Variants in TRAPPC9 observed in about 807,000 individuals in gnomAD.
TRAPPC9 encodes the protein trafficking protein particle complex subunit 9.
In TRAPPC9, 83 loss-of-function variants were observed where a neutral mutation model predicts 124.0. That is an observed-to-expected ratio of 0.67 (90% confidence interval 0.56 to 0.80). TRAPPC9 has a LOEUF of 0.80. TRAPPC9 is among the 30% of genes least tolerant of loss of function. The pLI is 0.00. For synonymous variants in TRAPPC9, 638 were observed against 617.5 expected (o/e 1.03, Z -0.49); for missense variants, 1,302 against 1,508.3 (o/e 0.86, Z 2.27).
At chr8:139,874,815 C>A (rs1194181202) in intron 21 of TRAPPC9, among the ~76,000 whole-genome samples, 4 of 152,182 alleles carry the variant, frequency 2.6e-5, no homozygotes, top group African/African-American at 9.6e-5. Flanking sequence ...AGGAGAACAA[C>A]AAGCATGGCC....
chr8:139,942,642 A>AT (rs1419759238), intron 19 of TRAPPC9, among the ~76,000 whole-genome samples: 5 of 151,652 alleles, frequency 3.3e-5, no homozygotes, highest in Admixed American at 6.6e-5. Context: ...TTCTGGACAC[A>AT]TTTTTTTTTA....
At chr8:140,384,885 C>T (rs577905024) in intron 7 of TRAPPC9, among the ~76,000 whole-genome samples, 4 of 152,332 alleles carry the variant, frequency 2.6e-5, no homozygotes, top group Non-Finnish European at 2.9e-5. Flanking sequence ...AGCACCACAT[C>T]GCACTTATTC....
chr8:140,316,141 A>T (rs2066438104), intron 9 of TRAPPC9, among the ~76,000 whole-genome samples: 1 of 152,150 alleles, frequency 6.6e-6, no homozygotes, highest in Non-Finnish European at 1.5e-5. Flanking sequence ...AGACTGTGAC[A>T]TCAGAATAGA....
intron 21 of TRAPPC9, among the ~76,000 whole-genome samples, chr8:139,794,883 G>A (rs780149396): frequency 1.3e-5 from 2 of 152,204 alleles, no homozygotes; most frequent in African/African-American, 2.4e-5. Context: ...GGCCATTCAC[G>A]TGGCAGAGGC....
chr8:139,897,768 C>T (rs1830755281), intron 20 of TRAPPC9, among the ~76,000 whole-genome samples: 1 of 152,224 alleles, frequency 6.6e-6, no homozygotes, highest in Non-Finnish European at 1.5e-5. Context: ...CTTCCCTGTC[C>T]AGACTCCTCC....
intron 21 of TRAPPC9, among the ~76,000 whole-genome samples, chr8:139,773,435 G>A (rs893414690): frequency 6.6e-6 from 1 of 152,232 alleles, no homozygotes; most frequent in African/African-American, 2.4e-5. Flanking sequence ...CACTGGGTGG[G>A]GGAATCAGCA....
At chr8:139,909,635 G>A (rs1437104645) in intron 20 of TRAPPC9, among the ~76,000 whole-genome samples, 2 of 152,256 alleles carry the variant, frequency 1.3e-5, no homozygotes, top group East Asian at 1.9e-4. Context: ...CAAGGAGTCA[G>A]CCATTGATCC....
intron 4 of TRAPPC9, among the ~76,000 whole-genome samples, chr8:140,427,424 G>T (rs1486279638): frequency 6.6e-6 from 1 of 150,972 alleles, no homozygotes; most frequent in Non-Finnish European, 1.5e-5. Context: ...CAGAATAATT[G>T]GACACTTCAT....
intron 21 of TRAPPC9, among the ~76,000 whole-genome samples, chr8:139,759,527 A>T (rs1820082977): frequency 6.6e-6 from 1 of 152,098 alleles, no homozygotes; most frequent in African/African-American, 2.4e-5. Context: ...GCCCGGAAAG[A>T]TATGGAGAGG....
chr8:139,932,440 T>C, intron 19 of TRAPPC9: 1 of 457,770 alleles, frequency 2.2e-6, no homozygotes, highest in South Asian at 1.5e-5. Flanking sequence ...AAGTACAAGA[T>C]GTTGGCTGAC....
intron 15 of TRAPPC9, among the ~76,000 whole-genome samples, chr8:140,269,992 C>T (rs1223883874): frequency 6.6e-6 from 1 of 151,950 alleles, no homozygotes; most frequent in African/African-American, 2.4e-5. Context: ...CCCAGTTACT[C>T]AGGAGGCTGA....
intron 7 of TRAPPC9, among the ~76,000 whole-genome samples, chr8:140,395,503 C>T (rs1021009592): frequency 1.3e-5 from 2 of 152,126 alleles, no homozygotes; most frequent in Non-Finnish European, 2.9e-5. Context: ...CATGCTAAAG[C>T]GCCTCTCTTT....
intron 17 of TRAPPC9, among the ~76,000 whole-genome samples, chr8:140,195,559 C>T (rs1216618346): frequency 6.6e-6 from 1 of 151,858 alleles, no homozygotes; most frequent in Non-Finnish European, 1.5e-5. Flanking sequence ...GACACTAAAA[C>T]ACACTCAACT....
intron 17 of TRAPPC9, among the ~76,000 whole-genome samples, chr8:140,036,398 A>G (rs939690619): frequency 6.6e-6 from 1 of 152,130 alleles, no homozygotes; most frequent in African/African-American, 2.4e-5. Context: ...ACGTGCTGCC[A>G]TTGAAGACAT....
chr8:140,116,739 G>C (rs1184173068), intron 17 of TRAPPC9, among the ~76,000 whole-genome samples: 2 of 152,168 alleles, frequency 1.3e-5, no homozygotes, highest in Non-Finnish European at 2.9e-5. Context: ...GGACAAGCTA[G>C]AGAGAAGAGA....
At chr8:139,928,978 T>C (rs1832962635) in intron 19 of TRAPPC9, among the ~76,000 whole-genome samples, 1 of 152,034 alleles carries the variant, frequency 6.6e-6, no homozygotes, top group Non-Finnish European at 1.5e-5. Context: ...CGATGTTGCT[T>C]ACGGGAGACG....
chr8:140,226,437 C>CA (rs1210552328), intron 16 of TRAPPC9, among the ~76,000 whole-genome samples: 2 of 151,522 alleles, frequency 1.3e-5, no homozygotes, highest in South Asian at 2.1e-4. Flanking sequence ...ACTAAAAATA[C>CA]AAAAAACAGC....
intron 20 of TRAPPC9, among the ~76,000 whole-genome samples, chr8:139,892,126 C>G (rs376510059): frequency 6.6e-6 from 1 of 152,240 alleles, no homozygotes; most frequent in Non-Finnish European, 1.5e-5. Flanking sequence ...CGCAGCACCC[C>G]GAGTCCCGCA....
intron 21 of TRAPPC9, among the ~76,000 whole-genome samples, chr8:139,744,229 C>T (rs1360101651): frequency 1.3e-5 from 2 of 152,188 alleles, no homozygotes; most frequent in African/African-American, 2.4e-5. Flanking sequence ...AAGCGAGAAG[C>T]GTGGATAATG....
Sources: gnomAD v4.1 joint callset for allele counts (sites outside exome capture counted in the v4.1 genomes callset) on GRCh38, gnomAD v4.1.1 for gene constraint, MANE v1.5 for transcripts, NCBI Gene and HGNC (gene_info 2026-07-23, HGNC 2026-07-21) for gene names.